SLC9B1: variants seen among roughly 807,000 people sequenced by gnomAD.
SLC9B1 encodes solute carrier family 9 member B1.
SLC9B1 carries 32 observed loss-of-function variants against 51.7 expected under a neutral mutation model. The observed-to-expected ratio is 0.62, with a 90% CI of 0.47 to 0.83. The LOEUF (loss-of-function observed/expected upper bound fraction) is 0.83. Among genes scored for constraint, SLC9B1 ranks in the 40% least tolerant of loss-of-function variants. SLC9B1 has a pLI of 0.00. For missense variants in SLC9B1, 406 were observed against 613.2 expected, an observed-to-expected ratio of 0.66 and a Z score of 3.57; for synonymous variants, 145 against 212.7, an observed-to-expected ratio of 0.68 and a Z score of 2.77.
chr4:102,922,772 A>G (rs1416898991), intron 7 of SLC9B1, among the ~76,000 whole-genome samples: 3 of 152,228 alleles, frequency 2.0e-5, no homozygotes, highest in Non-Finnish European at 4.4e-5. Context: ...AGAATACTAT[A>G]AACACCTCTA....
chr4:102,918,219 G>A (rs1735686883), intron 7 of SLC9B1, among the ~76,000 whole-genome samples: 1 of 151,158 alleles, frequency 6.6e-6, no homozygotes, highest in South Asian at 2.1e-4. Flanking sequence ...CAAAAGAGAA[G>A]ACATTGCAAC....
intron 3 of SLC9B1, among the ~76,000 whole-genome samples, chr4:102,985,945 T>C (rs919109173): frequency 6.6e-6 from 1 of 152,200 alleles, no homozygotes. Flanking sequence ...CCCTTAAACA[T>C]AAGCTATAGT....
At chr4:102,910,061 C>T (rs1422664928) in intron 9 of SLC9B1, among the ~76,000 whole-genome samples, 7 of 152,084 alleles carry the variant, frequency 4.6e-5, no homozygotes, top group Non-Finnish European at 8.8e-5. Context: ...GCGATCTGTC[C>T]GCCTCCACCT....
intron 1 of SLC9B1, among the ~76,000 whole-genome samples, chr4:103,001,565 T>A (rs566064602): frequency 1.1e-4 from 16 of 152,162 alleles, no homozygotes; most frequent in Non-Finnish European, 2.1e-4. Context: ...TGATCTTTGG[T>A]CCAGTTCCAA....
chr4:102,968,973 G>C (rs771391402), intron 3 of SLC9B1, among the ~76,000 whole-genome samples: 16 of 152,334 alleles, frequency 1.1e-4, no homozygotes, highest in Non-Finnish European at 2.1e-4. Context: ...TGGTAGCCTG[G>C]GCTGGGGGAG....
chr4:102,930,264 T>G (rs1736383650), intron 7 of SLC9B1, among the ~76,000 whole-genome samples: 2 of 152,210 alleles, frequency 1.3e-5, no homozygotes, highest in South Asian at 2.1e-4. Flanking sequence ...GACAAGTTTA[T>G]GTACCCTGGT....
At chr4:102,936,273 G>A (rs1578361308) in intron 6 of SLC9B1, among the ~76,000 whole-genome samples, 1 of 152,302 alleles carries the variant, frequency 6.6e-6, no homozygotes, top group East Asian at 1.9e-4. Flanking sequence ...CCAAAGGACA[G>A]TGACTCAAAA....
At chr4:102,968,973 G>A (rs771391402) in intron 3 of SLC9B1, among the ~76,000 whole-genome samples, 11 of 152,334 alleles carry the variant, frequency 7.2e-5, no homozygotes, top group African/African-American at 2.6e-4. Context: ...TGGTAGCCTG[G>A]GCTGGGGGAG....
chr4:102,951,449 T>C (rs1737548621), intron 3 of SLC9B1, among the ~76,000 whole-genome samples: 1 of 152,060 alleles, frequency 6.6e-6, no homozygotes, highest in Admixed American at 6.6e-5. Flanking sequence ...AACCACTAGA[T>C]AGACACTATA....
At chr4:102,995,171 T>C (rs1196118274) in intron 1 of SLC9B1, among the ~76,000 whole-genome samples, 1 of 152,206 alleles carries the variant, frequency 6.6e-6, no homozygotes, top group African/African-American at 2.4e-5. Flanking sequence ...GAATGCCTAC[T>C]CTTCTGGCCT....
chr4:102,965,878 A>T (rs1251311646), intron 3 of SLC9B1, among the ~76,000 whole-genome samples: 2 of 152,248 alleles, frequency 1.3e-5, no homozygotes, highest in Admixed American at 6.5e-5. Flanking sequence ...AAATAGGCCA[A>T]AAGAAGAAAG....
intron 11 of SLC9B1, among the ~76,000 whole-genome samples, chr4:102,886,269 A>T (rs965181850): frequency 6.6e-6 from 1 of 152,110 alleles, no homozygotes; most frequent in Non-Finnish European, 1.5e-5. Flanking sequence ...CAGGTGGATC[A>T]CCAGGTCAGG....
At chr4:102,976,905 T>C (rs1415322915) in intron 3 of SLC9B1, among the ~76,000 whole-genome samples, 1 of 152,186 alleles carries the variant, frequency 6.6e-6, no homozygotes, top group Non-Finnish European at 1.5e-5. Context: ...TCCCAGAACT[T>C]TGGGAGGCCA....
At chr4:103,008,802 T>C (rs7658934) in intron 1 of SLC9B1, among the ~76,000 whole-genome samples, 8 of 141,978 alleles carry the variant, frequency 5.6e-5, no homozygotes, top group Non-Finnish European at 7.5e-5. Flanking sequence ...AGTTTCTTTT[T>C]TTTTTTTTTT....
intron 6 of SLC9B1, 109 bp downstream of exon 6, chr4:102,945,084 A>T (rs1215120497): frequency 1.6e-6 from 2 of 1,223,368 alleles, no homozygotes; most frequent in African/African-American, 3.1e-5. Flanking sequence ...TTTAACACTG[A>T]AACGAATTTT....
At chr4:102,916,694 G>A (rs1735593475) in intron 7 of SLC9B1, among the ~76,000 whole-genome samples, 1 of 152,096 alleles carries the variant, frequency 6.6e-6, no homozygotes, top group Admixed American at 6.5e-5. Flanking sequence ...CCACAAACAA[G>A]TTTTTAAAAA....
Position 102,949,331 on chromosome 4 carries a change from TA to T in SLC9B1, c.307del (p.Tyr103IlefsTer17). 1.9e-6 allele frequency: 3 copies of T among 1,610,834 alleles called. No homozygotes were observed. The highest frequency in any genetic ancestry group is 2.5e-6 in the Non-Finnish European group (3 of 1,179,312). On this transcript the variant is annotated frameshift_variant, in exon 4 of 12. Transcript: ENST00000296422. The stretch of plus-strand genomic sequence containing the variant: ...AATTTTTCCCCCAATAATGGCACTA[TA>T]AAAAATAATGAACAACCCAAATAAA... ...GNLFGLFIIFYSAIIGGKILQ... is the reference protein window; with the variant it reads ...GNLFGLFIIFXSAIIGGKILQ...
At chr4:102,980,794 T>A (rs1490526069) in intron 3 of SLC9B1, among the ~76,000 whole-genome samples, 2 of 152,094 alleles carry the variant, frequency 1.3e-5, no homozygotes, top group African/African-American at 4.8e-5. Flanking sequence ...ATGACCAACA[T>A]TCCACACCAG....
At chr4:102,914,242 A>G (rs1735480761) in intron 7 of SLC9B1, among the ~76,000 whole-genome samples, 1 of 66,788 alleles carries the variant, frequency 1.5e-5, no homozygotes, top group African/African-American at 8.1e-5. Flanking sequence ...TGAATCAGCC[A>G]GTGCAGGGTC....
Sources: allele counts gnomAD v4.1 joint callset (sites outside exome capture counted in the v4.1 genomes callset), GRCh38; gene constraint gnomAD v4.1.1; transcripts MANE v1.5; gene names NCBI Gene and HGNC (gene_info 2026-07-23, HGNC 2026-07-21).